The following SOX6 variants were observed in gnomAD, a reference collection of about 807,000 sequenced individuals.
SOX6 encodes the protein SRY-box transcription factor 6.
In SOX6, 11 loss-of-function variants were observed where a neutral mutation model predicts 97.8. The ratio of observed to expected loss-of-function variants is 0.11; its 90% CI spans 0.07 to 0.19. The LOEUF (loss-of-function observed/expected upper bound fraction) is 0.19. Among genes scored for constraint, SOX6 ranks in the 10% least tolerant of loss-of-function variants. SOX6 has a pLI of 1.00. For synonymous variants in SOX6, 360 were observed against 371.4 expected (o/e 0.97, Z 0.35); for missense variants, 810 against 1,039.5 (o/e 0.78, Z 3.04).
chr11:16,328,133 G>A (rs1418365886), intron 2 of SOX6, among the ~76,000 whole-genome samples: 3 of 152,032 alleles, frequency 2.0e-5, no homozygotes, highest in African/African-American at 2.4e-5. Context: ...GGTTTCGGAC[G>A]ACACTCAATC....
At chr11:16,008,275 T>C (rs1289356967) in intron 13 of SOX6, among the ~76,000 whole-genome samples, 2 of 152,154 alleles carry the variant, frequency 1.3e-5, no homozygotes, top group Non-Finnish European at 2.9e-5. Flanking sequence ...TGATTGAATC[T>C]ACAGATGCAG....
At chr11:16,067,951 C>G (rs1406952031) in intron 9 of SOX6, among the ~76,000 whole-genome samples, 1 of 152,212 alleles carries the variant, frequency 6.6e-6, no homozygotes, top group Non-Finnish European at 1.5e-5. Flanking sequence ...GACATTATCT[C>G]TTACCCTTAT....
rs932445788 is a variant in SOX6, at chr11:16,310,702, C to T, written c.445+7744G>A. On this transcript the variant is annotated intron_variant, in intron 3 of 15. Transcript: ENST00000683767. Reference sequence around the variant, plus strand: ...CAATTTATTTGAAATAACAATTTTGCGTGTTTTAATGAATACTTAAAGTGT... The same window carrying T: ...CAATTTATTTGAAATAACAATTTTGTGTGTTTTAATGAATACTTAAAGTGT... Among the ~76,000 whole-genome samples, 12 of 152,124 alleles carry T rather than the reference C, an allele frequency of 7.9e-5. No individual in the cohort carries two copies. The South Asian group carries it at 1.5e-3, about 18-fold the overall frequency.
intron 3 of SOX6, among the ~76,000 whole-genome samples, chr11:16,632,844 G>A (rs746080599): frequency 2.6e-5 from 4 of 152,162 alleles, no homozygotes; most frequent in African/African-American, 9.7e-5. Context: ...CTGCACAGGA[G>A]GAGCGGAGTG....
chr11:16,156,303 C>A (rs903731009), intron 6 of SOX6, among the ~76,000 whole-genome samples: 4 of 151,796 alleles, frequency 2.6e-5, no homozygotes, highest in African/African-American at 4.8e-5. Context: ...TTTGCTACTG[C>A]CTCTCCTTCT....
intron 1 of SOX6, among the ~76,000 whole-genome samples, chr11:16,371,363 G>A (rs1373474474): frequency 1.3e-5 from 2 of 151,830 alleles, no homozygotes; most frequent in African/African-American, 4.8e-5. Flanking sequence ...CCTATTTAAA[G>A]TTGCACATAT....
chr11:16,396,083 C>T (rs990728113), intron 1 of SOX6, among the ~76,000 whole-genome samples: 1 of 151,608 alleles, frequency 6.6e-6, no homozygotes, highest in African/African-American at 2.4e-5. Context: ...GTTTCCTGAG[C>T]CTTTATTCGC....
At chr11:16,376,185 A>C (rs1451523221) in intron 1 of SOX6, among the ~76,000 whole-genome samples, 1 of 152,166 alleles carries the variant, frequency 6.6e-6, no homozygotes. Context: ...AATGATAATA[A>C]TAATTAAAAC....
At chr11:16,709,794 C>A (rs1181586064) in intron 3 of SOX6, among the ~76,000 whole-genome samples, 2 of 152,134 alleles carry the variant, frequency 1.3e-5, no homozygotes, top group Non-Finnish European at 2.9e-5. Context: ...TCATTTGAAG[C>A]CAAGATAATC....
chr11:16,520,547 C>T (rs985444301), intron 4 of SOX6, among the ~76,000 whole-genome samples: 15 of 152,304 alleles, frequency 9.8e-5, no homozygotes, highest in Middle Eastern at 6.8e-3. Flanking sequence ...CCAGCATTAG[C>T]GACGTAGAAG....
At chr11:16,282,073 T>A (rs1186923449) in intron 3 of SOX6, among the ~76,000 whole-genome samples, 1 of 149,940 alleles carries the variant, frequency 6.7e-6, no homozygotes, top group Admixed American at 6.7e-5. Context: ...CAATGCACAC[T>A]AGATGCAAGA....
In SOX6 at chr11:16,046,556, G is replaced by A. The variant is rs1209068959; in HGVS notation, c.1581C>T (p.Ser527=). The change falls in exon 12 of 16, where the codon TCC becomes TCT. Residue 527 remains serine (S), a synonymous_variant. Transcript: ENST00000683767. ...QQPHGVDGKL[S]SINNMGLNSC... ...TGTTCAGCCCCATATTATTTATGGA[G>A]GACAGTTTCCCGTCAACACCATGTG... The A allele has an allele frequency of 4.3e-6, 7 of 1,613,698 alleles. No individual in the cohort carries two copies. The highest frequency in any genetic ancestry group is 5.1e-6 in the Non-Finnish European group (6 of 1,179,762).
chr11:16,038,129 T>C (rs997355583), intron 12 of SOX6, among the ~76,000 whole-genome samples: 5 of 152,176 alleles, frequency 3.3e-5, no homozygotes, highest in African/African-American at 1.2e-4. Flanking sequence ...AATCTAGAGA[T>C]GATTTAAGGA....
At chr11:16,420,319 A>T (rs1416253835) in intron 1 of SOX6, among the ~76,000 whole-genome samples, 1 of 152,198 alleles carries the variant, frequency 6.6e-6, no homozygotes, top group Non-Finnish European at 1.5e-5. Context: ...TGAGTATTTG[A>T]GATGAATATT....
At chr11:16,399,253 T>C (rs1858473627) in intron 1 of SOX6, among the ~76,000 whole-genome samples, 1 of 151,450 alleles carries the variant, frequency 6.6e-6, no homozygotes, top group Non-Finnish European at 1.5e-5. Flanking sequence ...ACATAAGGGA[T>C]TACTGTAGCT....
chr11:16,241,197 G>A (rs572422330), intron 3 of SOX6, among the ~76,000 whole-genome samples: 2 of 152,054 alleles, frequency 1.3e-5, no homozygotes, highest in South Asian at 4.2e-4. Context: ...TAATGAATAG[G>A]TAACAGTTTC....
At chr11:16,240,490 A>C (rs967004580) in intron 3 of SOX6, among the ~76,000 whole-genome samples, 1 of 152,030 alleles carries the variant, frequency 6.6e-6, no homozygotes, top group Non-Finnish European at 1.5e-5. Context: ...AAATTCTTAG[A>C]TATTTTTTTC....
intron 1 of SOX6, among the ~76,000 whole-genome samples, chr11:16,431,756 C>A (rs1285841922): frequency 6.6e-6 from 1 of 152,066 alleles, no homozygotes; most frequent in African/African-American, 2.4e-5. Flanking sequence ...CCCACTGTGG[C>A]TCAGATTTCA....
intron 4 of SOX6, among the ~76,000 whole-genome samples, chr11:16,521,801 A>G (rs1331971343): frequency 6.6e-6 from 1 of 152,226 alleles, no homozygotes; most frequent in Admixed American, 6.5e-5. Flanking sequence ...GATGGAGCTG[A>G]AAGCCAAGGC....
Sources: allele counts gnomAD v4.1 joint callset (sites outside exome capture counted in the v4.1 genomes callset), GRCh38; gene constraint gnomAD v4.1.1; transcripts MANE v1.5; gene names NCBI Gene and HGNC (gene_info 2026-07-23, HGNC 2026-07-21).